The following TMEM132D variants were observed in gnomAD, a reference collection of about 807,000 sequenced individuals.
TMEM132D encodes the protein mature OL transmembrane protein.
In TMEM132D, 21 loss-of-function variants were observed where a neutral mutation model predicts 62.3. The ratio of observed to expected loss-of-function variants is 0.34; its 90% CI spans 0.24 to 0.49. TMEM132D has a LOEUF of 0.49. Ranked by LOEUF, TMEM132D falls within the 20% of genes least tolerant of loss-of-function variation. The pLI, the probability that TMEM132D is intolerant of heterozygous loss-of-function variation, is 0.99. For synonymous variants in TMEM132D, 621 were observed against 575.6 expected, an observed-to-expected ratio of 1.08 and a Z score of -1.13; for missense variants, 1,346 against 1,402.8, an observed-to-expected ratio of 0.96 and a Z score of 0.65.
At chr12:129,813,252 C>T (rs987457371) in intron 1 of TMEM132D, among the ~76,000 whole-genome samples, 4 of 151,704 alleles carry the variant, frequency 2.6e-5, no homozygotes, top group Non-Finnish European at 5.9e-5. Flanking sequence ...TGCTAAAATG[C>T]GTCACTGGTT....
rs973288581 is a variant in TMEM132D at position 129,454,485 on chromosome 12, C to T, written c.1115+76574G>A. Among the ~76,000 whole-genome samples the T allele has an allele frequency of 7.2e-5, 11 of 152,260 alleles. No homozygotes were observed. The South Asian group carries it at 2.3e-3, about 32-fold the overall frequency. On this transcript the variant is annotated intron_variant, in intron 3 of 8. Transcript: ENST00000422113. ...TGGCTTTAAGAAGTCTCCTATTTTT[C>T]TTCCAGTTGGGGGATAAAGGAGCTG...
intron 2 of TMEM132D, among the ~76,000 whole-genome samples, chr12:129,598,453 C>T (rs1369140444): frequency 2.6e-5 from 4 of 152,178 alleles, no homozygotes; most frequent in Admixed American, 6.5e-5. Flanking sequence ...CTCTGGAGCA[C>T]GTTCCCAGCT....
chr12:129,786,815 C>T (rs1269704185), intron 1 of TMEM132D, among the ~76,000 whole-genome samples: 4 of 152,230 alleles, frequency 2.6e-5, no homozygotes, highest in East Asian at 3.9e-4. Context: ...CGCTTGAACC[C>T]GGGAGGTGGA....
At chr12:129,786,686 T>G (rs1411982637) in intron 1 of TMEM132D, among the ~76,000 whole-genome samples, 1 of 152,008 alleles carries the variant, frequency 6.6e-6, no homozygotes, top group Non-Finnish European at 1.5e-5. Context: ...AGGTCGGGAG[T>G]TCGAGATCAG....
At chr12:129,234,125 T>A (rs899760126) in intron 4 of TMEM132D, among the ~76,000 whole-genome samples, 1 of 152,206 alleles carries the variant, frequency 6.6e-6, no homozygotes. Flanking sequence ...TTTAGAAAAC[T>A]TCATAAAAGT....
intron 2 of TMEM132D, among the ~76,000 whole-genome samples, chr12:129,677,082 C>T (rs1248536975): frequency 6.6e-6 from 1 of 152,092 alleles, no homozygotes; most frequent in Non-Finnish European, 1.5e-5. Flanking sequence ...CTGATTTTGC[C>T]CTATTATCTT....
At chr12:129,307,799 T>A (rs1881879587) in intron 4 of TMEM132D, among the ~76,000 whole-genome samples, 1 of 152,206 alleles carries the variant, frequency 6.6e-6, no homozygotes, top group South Asian at 2.1e-4. Context: ...TCTTTGCAAG[T>A]GGTCTTGCTG....
At chr12:129,747,245 C>T (rs1424065134) in intron 1 of TMEM132D, among the ~76,000 whole-genome samples, 1 of 151,906 alleles carries the variant, frequency 6.6e-6, no homozygotes, top group East Asian at 1.9e-4. Flanking sequence ...CACAGTGACC[C>T]GGGCGGGGCA....
intron 5 of TMEM132D, among the ~76,000 whole-genome samples, chr12:129,119,561 C>A (rs1180100663): frequency 6.6e-6 from 1 of 152,146 alleles, no homozygotes; most frequent in Non-Finnish European, 1.5e-5. Context: ...GTTGCCAAAC[C>A]TGAAGGTGCT....
chr12:129,391,637 C>T (rs1871292627), intron 3 of TMEM132D, among the ~76,000 whole-genome samples: 1 of 152,340 alleles, frequency 6.6e-6, no homozygotes, highest in South Asian at 2.1e-4. Flanking sequence ...ATACTGGTTA[C>T]ACATTAAAAT....
intron 2 of TMEM132D, among the ~76,000 whole-genome samples, chr12:129,592,072 A>C (rs1298209565): frequency 1.3e-5 from 2 of 152,202 alleles, no homozygotes; most frequent in Non-Finnish European, 2.9e-5. Context: ...ATCTGATCCG[A>C]TTTCCATTAT....
At chr12:129,558,819 C>T (rs1877133716) in intron 2 of TMEM132D, among the ~76,000 whole-genome samples, 1 of 152,142 alleles carries the variant, frequency 6.6e-6, no homozygotes, top group Non-Finnish European at 1.5e-5. Context: ...CAACTCAATC[C>T]CTACATTTCA....
chr12:129,074,234 C>A lies in TMEM132D; in HGVS notation c.2941G>T (p.Ala981Ser), dbSNP rs2067273090. ...GTGATTTGCTCATCTTGCGAGGAGG[C>A]AAAGTTGATGTGATTCTCCAACAGC... ...TELLENHINF[A>S]SSQDEQITAI... The change falls in exon 9 of 9, where the codon GCC (alanine) becomes TCC (serine). Residue 981 changes from alanine (A) to serine (S), a missense_variant. Coordinates refer to ENST00000422113, the MANE Select transcript of TMEM132D (RefSeq NM_133448.3). The A allele has an allele frequency of 1.2e-6, 2 of 1,613,888 alleles. No homozygotes were observed. Among genetic ancestry groups the A allele is most frequent in the African/African-American group, 1.3e-5 (1 of 74,860 alleles).
At chr12:129,566,964 C>A (rs1213625785) in intron 2 of TMEM132D, among the ~76,000 whole-genome samples, 1 of 152,186 alleles carries the variant, frequency 6.6e-6, no homozygotes, top group Admixed American at 6.5e-5. Flanking sequence ...GTTGTTCCGC[C>A]TTTCCAGACC....
At chr12:129,821,736 A>T (rs532944562) in intron 1 of TMEM132D, among the ~76,000 whole-genome samples, 82 of 152,240 alleles carry the variant, frequency 5.4e-4, no homozygotes, top group Middle Eastern at 3.4e-3. Context: ...ATCTTCTTAA[A>T]ATGCAGCCTG....
Position 129,634,373 on chromosome 12 carries a change from C to T in TMEM132D, c.968+65437G>A, listed in dbSNP as rs539796991. Among the ~76,000 whole-genome samples, 34 of 150,888 alleles carry T rather than the reference C, an allele frequency of 2.3e-4. No individual in the cohort carries two copies. In the East Asian group the frequency reaches 6.7e-3, roughly 30 times the overall value. On this transcript the variant is annotated intron_variant, in intron 2 of 8. Transcript: ENST00000422113. ...CCTGTGGTCCCAGCTGCTCGGGAGGCTGAGGCAGGAGGATTGCTTGAACCC... is the reference window on the plus strand; with the variant it reads ...CCTGTGGTCCCAGCTGCTCGGGAGGTTGAGGCAGGAGGATTGCTTGAACCC...
In TMEM132D at chr12:129,203,676, G is replaced by C. The variant is rs541907448; in HGVS notation, c.1443+5844C>G. 2.6e-5 allele frequency among the ~76,000 whole-genome samples: 4 copies of C among 152,310 alleles called. No individual in the cohort carries two copies. In the East Asian group the frequency reaches 7.7e-4, roughly 29 times the overall value. ...TGGGCAGGGAACTCCACCCTCTCTT[G>C]CCTCCCATAGCCAGACGTGTCACAC... On this transcript the variant is annotated intron_variant, in intron 5 of 8. Transcript: ENST00000422113.
chr12:129,898,261 A>G (rs1354632667), intron 1 of TMEM132D, among the ~76,000 whole-genome samples: 1 of 152,202 alleles, frequency 6.6e-6, no homozygotes, highest in African/African-American at 2.4e-5. Flanking sequence ...TTGGAAGCAC[A>G]GTTAAAAATT....
At chr12:129,608,634 C>T (rs1335136829) in intron 2 of TMEM132D, among the ~76,000 whole-genome samples, 1 of 152,174 alleles carries the variant, frequency 6.6e-6, no homozygotes, top group African/African-American at 2.4e-5. Flanking sequence ...AAGAAAGAAC[C>T]TACATATTCC....
Sources: allele counts gnomAD v4.1 joint callset (sites outside exome capture counted in the v4.1 genomes callset), GRCh38; gene constraint gnomAD v4.1.1; transcripts MANE v1.5; gene names NCBI Gene and HGNC (gene_info 2026-07-23, HGNC 2026-07-21).